FBLN1: variants seen among roughly 807,000 people sequenced by gnomAD.
The protein encoded by FBLN1 is fibulin-1.
FBLN1 carries 34 observed loss-of-function variants against 89.7 expected under a neutral mutation model. The ratio of observed to expected loss-of-function variants is 0.38; its 90% CI spans 0.29 to 0.50. The LOEUF is 0.50. FBLN1 is among the 20% of genes least tolerant of loss of function. FBLN1 has a pLI of 0.92. For synonymous variants in FBLN1, 393 were observed against 391.3 expected (o/e 1.00, Z -0.05); for missense variants, 777 against 988.1 (o/e 0.79, Z 2.86).
chr22:45,508,761 A>C (rs112240669), intron 1 of FBLN1, among the ~76,000 whole-genome samples: 2 of 152,074 alleles, frequency 1.3e-5, no homozygotes, highest in African/African-American at 4.8e-5. Context: ...ACCTAGGATC[A>C]TGTGAGATCA....
At chr22:45,503,226 C>G (rs1179507635) in intron 1 of FBLN1, 162 bp downstream of exon 1, 1 of 376,080 alleles carries the variant, frequency 2.7e-6, no homozygotes, top group East Asian at 4.8e-5. Context: ...CCCCCTCCCC[C>G]ACGGCCAGCT....
chr22:45,570,494 G>C (rs2088944474), intron 14 of FBLN1, among the ~76,000 whole-genome samples: 1 of 151,912 alleles, frequency 6.6e-6, no homozygotes, highest in Non-Finnish European at 1.5e-5. Flanking sequence ...TACTAAACTA[G>C]ATGGAACACA....
chr22:45,533,193 G>T lies in FBLN1; in HGVS notation c.646+29G>T, dbSNP rs753480276. On this transcript the variant is annotated intron_variant, in intron 6 of 16. Transcript: ENST00000327858. ...ATGTCCCTATCCCAGGTGCCAGCAG[G>T]ACTGGCCGGTCACTGTGCTTGGGAG... The T allele has an allele frequency of 3.8e-6, 6 of 1,586,664 alleles. No homozygotes were observed. The South Asian group carries it at 6.6e-5, about 18-fold the overall frequency.
rs557144983 is a variant in FBLN1 at position 45,568,799 on chromosome 22, C to T, written c.1698-5712C>T. ...GAATGCTCCTCCTGTAAGGGAATGC[C>T]TCTTCTGTAGGGGAATGCTCCTCCT... On this transcript the variant is annotated intron_variant, in intron 14 of 16. Transcript: ENST00000327858. Among the ~76,000 whole-genome samples the T allele has an allele frequency of 1.1e-3, 32 of 28,336 alleles. 2 individuals carry two copies. The highest frequency in any genetic ancestry group is 4.2e-3 in the African/African-American group (25 of 5,976). The allele number at this position is 28,336 out of a possible 152,430, so 18.6% of individuals were successfully genotyped here.
At chr22:45,525,241 A>G (rs886138316) in intron 2 of FBLN1, among the ~76,000 whole-genome samples, 5 of 152,118 alleles carry the variant, frequency 3.3e-5, no homozygotes, top group African/African-American at 1.2e-4. Flanking sequence ...AAAAGAAAGA[A>G]AGAGGGTCTT....
chr22:45,573,680 C>CAA (rs60082908), intron 14 of FBLN1, among the ~76,000 whole-genome samples: 13 of 58,952 alleles, frequency 2.2e-4, no homozygotes, highest in East Asian at 1.1e-3. Flanking sequence ...GACTCTGTCT[C>CAA]AAAAAAAAAA....
At chr22:45,517,530 G>A (rs1040343088) in intron 1 of FBLN1, 2 of 470,432 alleles carry the variant, frequency 4.3e-6, no homozygotes, top group African/African-American at 2.0e-5. Context: ...TGGCTCTGAG[G>A]GTGTGGGCCG....
chr22:45,597,792 C>G lies in FBLN1; in HGVS notation c.1973-2515C>G, dbSNP rs2089199117. 6.6e-6 allele frequency among the ~76,000 whole-genome samples: 1 copy of G among 152,218 alleles called. No individual in the cohort carries two copies. The highest frequency in any genetic ancestry group is 1.5e-5 in the Non-Finnish European group (1 of 68,034). On this transcript the variant is annotated intron_variant, in intron 16 of 16. Coordinates refer to ENST00000327858, the MANE Select transcript of FBLN1 (RefSeq NM_006486.3). The surrounding 1 kb of genome is among the most constrained non-coding windows in gnomAD (Gnocchi z 4.2). Reference sequence around the variant, plus strand: ...AGCCTGCAGAAGCCTGTGCTTATCTCTCCATCGGAGCTAAAGCCCATGTTT... The same window carrying G: ...AGCCTGCAGAAGCCTGTGCTTATCTGTCCATCGGAGCTAAAGCCCATGTTT...
intron 14 of FBLN1, among the ~76,000 whole-genome samples, chr22:45,569,571 G>A (rs922366050): frequency 6.6e-5 from 10 of 152,120 alleles, no homozygotes; most frequent in South Asian, 6.2e-4. Context: ...CCCAGGAGGC[G>A]GAGGTTGCAG....
intron 14 of FBLN1, among the ~76,000 whole-genome samples, chr22:45,566,390 G>A (rs893236378): frequency 6.6e-6 from 1 of 152,212 alleles, no homozygotes; most frequent in African/African-American, 2.4e-5. Context: ...TGAGTGCACT[G>A]TGGGAGTGAC....
rs2088490062 is a variant in FBLN1, at chr22:45,536,917, C to T, written c.922+1580C>T. On this transcript the variant is annotated intron_variant, in intron 8 of 16. Transcript: ENST00000327858. This position sits in a 1 kb window ranked among gnomAD's most constrained non-coding sequence, Gnocchi z 5.1. ...GGGGTGCGGCCGGGGAGCTGGCCGG[C>T]CTGGGTTACTGGTTCTGGAAAGACA... Among the ~76,000 whole-genome samples, 1 of 152,176 alleles carries T rather than the reference C, an allele frequency of 6.6e-6. No individual in the cohort carries two copies. Among genetic ancestry groups the T allele is most frequent in the East Asian group, 1.9e-4 (1 of 5,192 alleles).
intron 4 of FBLN1, among the ~76,000 whole-genome samples, chr22:45,528,421 G>A (rs999116734): frequency 4.0e-5 from 6 of 151,784 alleles, no homozygotes; most frequent in Admixed American, 1.3e-4. Context: ...CTTGGCTCAC[G>A]GCAACCTCCG....
At chr22:45,517,058 T>C (rs2088179364) in intron 1 of FBLN1, among the ~76,000 whole-genome samples, 1 of 152,194 alleles carries the variant, frequency 6.6e-6, no homozygotes, top group Non-Finnish European at 1.5e-5. Context: ...TGATGACTGA[T>C]AGGGTGGTTT....
Position 45,568,649 on chromosome 22 carries a change from A to AATGCTCCTTCTGTAGGG in FBLN1, c.1698-5862_1698-5861insATGCTCCTTCTGTAGGG, listed in dbSNP as rs2088923126. Among the ~76,000 whole-genome samples, 2 of 68,790 alleles carry AATGCTCCTTCTGTAGGG rather than the reference A, an allele frequency of 2.9e-5. 1 individual carries two copies. The highest frequency in any genetic ancestry group is 5.2e-5 in the Non-Finnish European group (2 of 38,812). 45.1% of individuals were successfully genotyped at this position (68,790 alleles called of 152,430 possible). ...TGTAAGGGAATGCCTCTTCTGTGGG[A>AATGCTCCTTCTGTAGGG]GAATGCTCCTTCTGTAGGGGAATGC... On this transcript the variant is annotated intron_variant, in intron 14 of 16. Transcript: ENST00000327858.
rs368837987 is a variant in FBLN1, at chr22:45,574,616, C to T, written c.1803C>T (p.Ile601=). The T allele has an allele frequency of 6.8e-6, 11 of 1,614,172 alleles. No individual in the cohort carries two copies. The East Asian group carries it at 1.8e-4, about 26-fold the overall frequency. ...DPVHTISHTV[I]SLPTFREFTR... ...TGCACACCATCTCCCACACCGTCATCTCGCTGCCTACCTTCCGCGAGTTCA... is the reference window on the plus strand; with the variant it reads ...TGCACACCATCTCCCACACCGTCATTTCGCTGCCTACCTTCCGCGAGTTCA... The change falls in exon 15 of 17, where the codon ATC becomes ATT. Residue 601 remains isoleucine (I), a synonymous_variant. Transcript: ENST00000327858. The surrounding 1 kb of genome is among the most constrained non-coding windows in gnomAD (Gnocchi z 4.1).
intron 2 of FBLN1, among the ~76,000 whole-genome samples, chr22:45,520,725 C>G (rs1230642549): frequency 6.6e-6 from 1 of 152,246 alleles, no homozygotes; most frequent in Non-Finnish European, 1.5e-5. Context: ...CAGCAGCACT[C>G]TGGGCCTTGC....
chr22:45,548,623 G>A lies in FBLN1; in HGVS notation c.1452G>A (p.Glu484=). 6.2e-7 allele frequency: 1 copy of A among 1,613,632 alleles called. No individual in the cohort carries two copies. Among genetic ancestry groups the A allele is most frequent in the Non-Finnish European group, 8.5e-7 (1 of 1,179,986 alleles). The change falls in exon 13 of 17, where the codon GAG becomes GAA. Residue 484 remains glutamate, a synonymous_variant. Coordinates refer to ENST00000327858, the MANE Select transcript of FBLN1 (RefSeq NM_006486.3). ...VDGVTCEDID[E]CALPTGGHIC... is the part of the protein sequence containing the mutation. ...GCTTTGCCGTTGCAGACATCGACGA[G>A]TGCGCCCTGCCCACCGGGGGCCACA... is the stretch of plus-strand genomic sequence containing the variant.
intron 16 of FBLN1, among the ~76,000 whole-genome samples, chr22:45,584,506 G>A (rs1251830512): frequency 6.6e-6 from 1 of 152,186 alleles, no homozygotes; most frequent in Admixed American, 6.5e-5. Flanking sequence ...CTGGGCTTGC[G>A]GCTTTGTTCT....
chr22:45,565,006 C>T (rs1056636613), intron 14 of FBLN1: 2 of 1,613,412 alleles, frequency 1.2e-6, no homozygotes, highest in Non-Finnish European at 1.7e-6. Context: ...GGAAGATGGA[C>T]CTGGACAGAC....
Sources: gnomAD v4.1 joint callset for allele counts (sites outside exome capture counted in the v4.1 genomes callset) on GRCh38, gnomAD v4.1.1 for gene constraint, Gnocchi (gnomAD v3.1) non-coding constraint, MANE v1.5 for transcripts, NCBI Gene and HGNC (gene_info 2026-07-23, HGNC 2026-07-21) for gene names.